Variants in MRPL44 observed in about 807,000 individuals in gnomAD.
The protein encoded by MRPL44 is large ribosomal subunit protein mL44.
In MRPL44, 21 loss-of-function variants were observed where a neutral mutation model predicts 25.9. The observed-to-expected ratio is 0.81, with a 90% CI of 0.58 to 1.17. MRPL44 has a LOEUF of 1.17. Ranked by LOEUF, MRPL44 falls within the 50% of genes most tolerant of loss-of-function variation. MRPL44 has a pLI of 0.00. For missense variants in MRPL44, 410 were observed against 398.9 expected (o/e 1.03, Z -0.24); for synonymous variants, 169 against 151.0 (o/e 1.12, Z -0.87).
Position 223,966,885 on chromosome 2 carries a change from G to A in MRPL44, c.850G>A (p.Gly284Arg). 6.2e-7 allele frequency: 1 copy of A among 1,612,192 alleles called. No individual in the cohort carries two copies. Among genetic ancestry groups the A allele is most frequent in the Non-Finnish European group, 8.5e-7 (1 of 1,179,508 alleles). Residue 284 changes from glycine (G) to arginine (R), a missense_variant, in exon 4 of 4, where the codon GGA becomes AGA. Gly to Arg is a moderately radical substitution (Grantham distance 125, BLOSUM62 -2). Coordinates refer to ENST00000258383, the MANE Select transcript of MRPL44 (RefSeq NM_022915.5). ...TAGTGATAAAAAGTTGATTGCAGAA[G>A]GACCTGGGGAAACAGTATTGGTTGC... ...LYCDKKLIAEGPGETVLVAEE... is the reference protein window; with the variant it reads ...LYCDKKLIAERPGETVLVAEE...
rs764923761 is a variant in MRPL44 at position 223,967,234 on chromosome 2, CT to C, written c.*211del. On this transcript the variant is annotated 3_prime_UTR_variant, in exon 4 of 4. Transcript: ENST00000258383. ...TTCTGAAATCTTGGTTTGATCAAAT[CT>C]TTTTTTTTTTCTCTTGAGATGGAGT... 11,385 of 447,616 alleles carry C rather than the reference CT, an allele frequency of 0.025. No individual in the cohort carries two copies. Among genetic ancestry groups the C allele is most frequent in the South Asian group, 0.035 (908 of 26,060 alleles). 27.7% of individuals were successfully genotyped at this position (447,616 alleles called of 1,614,324 possible).
the MRPL44 span, among the ~76,000 whole-genome samples, chr2:223,951,693 G>A: frequency 6.6e-6 from 1 of 151,964 alleles, no homozygotes; most frequent in Admixed American, 6.6e-5. Flanking sequence ...TGGCCAGGCT[G>A]GTCTCGAACT....
chr2:223,963,497 T>A (rs193102092), intron 2 of MRPL44, among the ~76,000 whole-genome samples: 1 of 152,206 alleles, frequency 6.6e-6, no homozygotes, highest in African/African-American at 2.4e-5. Context: ...TTTTGGTAGA[T>A]CATACTGCTT....
chr2:223,961,220 C>T (rs1046175911), intron 2 of MRPL44, among the ~76,000 whole-genome samples: 3 of 152,226 alleles, frequency 2.0e-5, no homozygotes, highest in Non-Finnish European at 2.9e-5. Flanking sequence ...GAGGAGGCAA[C>T]AGCCAACTTT....
At chr2:223,954,206 C>T (rs1689531750), upstream of MRPL44, among the ~76,000 whole-genome samples, 1 of 152,182 alleles carries the variant, frequency 6.6e-6, no homozygotes, top group Non-Finnish European at 1.5e-5. Context: ...GAATGTTGAT[C>T]CTCCTTTCCA....
At chr2:223,957,026 T>G (rs1689573044), upstream of MRPL44, among the ~76,000 whole-genome samples, 1 of 152,218 alleles carries the variant, frequency 6.6e-6, no homozygotes, top group Non-Finnish European at 1.5e-5. Context: ...AAATAGAAGC[T>G]CGGTAAATAC....
At chr2:223,957,028 G>T (rs549804014), upstream of MRPL44, among the ~76,000 whole-genome samples, 6 of 152,084 alleles carry the variant, frequency 3.9e-5, no homozygotes, top group East Asian at 9.7e-4. Context: ...ATAGAAGCTC[G>T]GTAAATACTT....
the MRPL44 span, among the ~76,000 whole-genome samples, chr2:223,952,162 G>A: frequency 6.6e-6 from 1 of 152,158 alleles, no homozygotes; most frequent in Admixed American, 6.5e-5. Context: ...CTCCCTAACC[G>A]ACTTGCTTCC....
chr2:223,964,302 A>G (rs1401514250), intron 3 of MRPL44, among the ~76,000 whole-genome samples: 3 of 152,340 alleles, frequency 2.0e-5, no homozygotes, highest in East Asian at 1.9e-4. Context: ...AGTAGCTTCA[A>G]CTGAGCCTAG....
rs1689591273 is a variant in MRPL44 at position 223,957,597 on chromosome 2, A to G, written c.125A>G (p.Gln42Arg). 1.2e-6 allele frequency: 2 copies of G among 1,613,150 alleles called. No homozygotes were observed. Among genetic ancestry groups the G allele is most frequent in the African/African-American group, 1.3e-5 (1 of 75,054 alleles). The part of the protein sequence containing the change: ...KKGFRAAFRF[Q>R]KELERQRLLR... ...GGATTCCGCGCCGCCTTCCGCTTCC[A>G]GAAGGAGTTAGAGCGGCAGCGCCTT... The change falls in exon 1 of 4, where the codon CAG (glutamine) becomes CGG (arginine). Residue 42 changes from glutamine (Q) to arginine (R), a missense_variant. Coordinates refer to ENST00000258383, the MANE Select transcript of MRPL44 (RefSeq NM_022915.5).
At chr2:223,961,642 G>T (rs758673070) in intron 2 of MRPL44, among the ~76,000 whole-genome samples, 1 of 152,162 alleles carries the variant, frequency 6.6e-6, no homozygotes, top group Non-Finnish European at 1.5e-5. Context: ...CTTGTGTAGC[G>T]ACAGCTGGAG....
At chr2:223,963,596 A>AC (rs1689697310) in intron 2 of MRPL44, among the ~76,000 whole-genome samples, 160 bp from the exon 3 acceptor site, 1 of 152,222 alleles carries the variant, frequency 6.6e-6, no homozygotes. Context: ...AATGAAAAAG[A>AC]ATAGTACATT....
chr2:223,965,260 T>A (rs1689723714), intron 3 of MRPL44, among the ~76,000 whole-genome samples: 1 of 152,356 alleles, frequency 6.6e-6, no homozygotes, highest in South Asian at 2.1e-4. Flanking sequence ...TGTTTATTAT[T>A]ATAAAGTTTA....
upstream of MRPL44, among the ~76,000 whole-genome samples, chr2:223,954,249 A>G (rs747812097): frequency 3.4e-4 from 52 of 152,312 alleles, no homozygotes; most frequent in Middle Eastern, 0.014. Context: ...CCACGCTTCC[A>G]TCTAGAACCA....
chr2:223,957,637 G>A lies in MRPL44; in HGVS notation c.165G>A (p.Pro55=). Residue 55 remains proline (P), a synonymous_variant, in exon 1 of 4, where the codon CCG becomes CCA. Coordinates refer to ENST00000258383, the MANE Select transcript of MRPL44 (RefSeq NM_022915.5). ...LERQRLLRCP[P]PPVRRSEKPN... ...GGCAGCGCCTTCTGCGGTGCCCGCC[G>A]CCGCCCGTGCGCCGGTAGGAGCCAC... is the stretch of plus-strand genomic sequence containing the variant. 1 of 1,607,526 alleles carries A rather than the reference G, an allele frequency of 6.2e-7. No homozygotes were observed. Among genetic ancestry groups the A allele is most frequent in the South Asian group, 1.1e-5 (1 of 90,954 alleles).
At position 223,963,748 on chromosome 2, in the gene MRPL44, A is replaced by G. The variant is rs1271089896; in HGVS notation, c.649-8A>G. The G allele has an allele frequency of 2.0e-6, 3 of 1,525,936 alleles. No homozygotes were observed. Among genetic ancestry groups the G allele is most frequent in the Non-Finnish European group, 2.6e-6 (3 of 1,134,998 alleles). 94.5% of individuals were successfully genotyped at this position (1,525,936 alleles called of 1,614,324 possible). A position where few individuals can be genotyped will look rare whatever the true frequency, so the allele number is the denominator to read the frequency against. ...ATTAAAATGTATAAATTATATTTTT[A>G]TATGCAGGACTTCTTAATTACTCAA... On this transcript the variant is annotated splice_region_variant and splice_polypyrimidine_tract_variant and intron_variant, in intron 2 of 3. Coordinates refer to ENST00000258383, the MANE Select transcript of MRPL44 (RefSeq NM_022915.5).
chr2:223,956,686 T>A (rs1239577622), upstream of MRPL44, among the ~76,000 whole-genome samples: 1 of 152,230 alleles, frequency 6.6e-6, no homozygotes, highest in Non-Finnish European at 1.5e-5. Context: ...GCATTGCCCC[T>A]TTGAGGGTCT....
At chr2:223,958,697 A>G (rs925548484) in intron 1 of MRPL44, among the ~76,000 whole-genome samples, 2 of 152,222 alleles carry the variant, frequency 1.3e-5, no homozygotes, top group African/African-American at 4.8e-5. Flanking sequence ...TAAAGTATAC[A>G]GGAGGATGTG....
chr2:223,963,704 C>T (rs1410728274), intron 2 of MRPL44, 52 bp from the exon 3 acceptor site: 1 of 1,191,348 alleles, frequency 8.4e-7, no homozygotes, highest in Admixed American at 2.9e-5. Context: ...TTTGAATTGT[C>T]CTAATGTTCT....
Sources: allele counts gnomAD v4.1 joint callset (sites outside exome capture counted in the v4.1 genomes callset), GRCh38; gene constraint gnomAD v4.1.1; transcripts MANE v1.5; gene names NCBI Gene and HGNC (gene_info 2026-07-23, HGNC 2026-07-21).